LAMC1: variants seen among roughly 807,000 people sequenced by gnomAD.
The protein encoded by LAMC1 is laminin subunit gamma 1.
LAMC1 carries 38 observed loss-of-function variants against 173.6 expected under a neutral mutation model. The observed-to-expected ratio is 0.22, with a 90% CI of 0.17 to 0.29. The LOEUF (loss-of-function observed/expected upper bound fraction) is 0.29, where lower values mean the gene tolerates loss of function less well. Ranked by LOEUF, LAMC1 falls within the 10% of genes least tolerant of loss-of-function variation. The pLI is 1.00. For synonymous variants in LAMC1, 746 were observed against 749.1 expected, an observed-to-expected ratio of 1.00 and a Z score of 0.07; for missense variants, 1,824 against 2,051.8, an observed-to-expected ratio of 0.89 and a Z score of 2.14.
intron 10 of LAMC1, 61 bp downstream of exon 10, chr1:183,117,784 T>C: frequency 6.8e-7 from 1 of 1,472,526 alleles, no homozygotes; most frequent in Non-Finnish European, 9.4e-7. Context: ...GTGTCTTTAT[T>C]TAAGTTTAAC....
Position 183,116,767 on chromosome 1 carries a change from A to C in LAMC1, c.1428A>C (p.Arg476Ser). 1 of 1,613,952 alleles carries C rather than the reference A, an allele frequency of 6.2e-7. No individual in the cohort carries two copies. Among genetic ancestry groups the C allele is most frequent in the Non-Finnish European group, 8.5e-7 (1 of 1,179,934 alleles). ...KDNVEGFNCE[R>S]CKPGFFNLES... ...CTGATTGTGTCTTAATCTTTTTCAG[A>C]TGCAAACCTGGATTTTTTAATCTGG... Residue 476 changes from arginine (R) to serine (S), a missense_variant and splice_region_variant, in exon 8 of 28, where the codon AGA (arginine) becomes AGC (serine). Coordinates refer to ENST00000258341, the MANE Select transcript of LAMC1 (RefSeq NM_002293.4).
chr1:183,057,164 A>C (rs1004561719), intron 1 of LAMC1, among the ~76,000 whole-genome samples: 10 of 152,266 alleles, frequency 6.6e-5, no homozygotes, highest in African/African-American at 2.2e-4. Flanking sequence ...AAAAGGAAAC[A>C]GATTCAGAGA....
intron 1 of LAMC1, among the ~76,000 whole-genome samples, chr1:183,091,202 G>A (rs964328286): frequency 2.0e-5 from 3 of 152,186 alleles, no homozygotes; most frequent in South Asian, 2.1e-4. Context: ...AGAGGTTTTA[G>A]TAGAAATCTT....
At position 183,100,316 on chromosome 1, in the gene LAMC1, C is replaced by G. The variant is rs1224558530; in HGVS notation, c.419-3012C>G. Among the ~76,000 whole-genome samples, 7 of 152,200 alleles carry G rather than the reference C, an allele frequency of 4.6e-5. No homozygotes were observed. In the South Asian group the frequency reaches 1.0e-3, roughly 23 times the overall value. On this transcript the variant is annotated intron_variant, in intron 1 of 27. Transcript: ENST00000258341. ...CTCCACACTGATCTTTCTAAAAAAT[C>G]AAACCTGATCATGTATTTTCTGGTT... is the stretch of plus-strand genomic sequence containing the variant.
At chr1:183,066,330 A>G (rs189110225) in intron 1 of LAMC1, among the ~76,000 whole-genome samples, 1 of 152,328 alleles carries the variant, frequency 6.6e-6, no homozygotes, top group African/African-American at 2.4e-5. Flanking sequence ...GATGTGGGGA[A>G]ATAGGAATGC....
At chr1:183,132,377 T>A in intron 20 of LAMC1, 23 bp from the exon 21 acceptor site, 1 of 1,589,034 alleles carries the variant, frequency 6.3e-7, no homozygotes, top group Non-Finnish European at 8.6e-7. Flanking sequence ...TTTCATGGCT[T>A]ATTTTTTGTT....
chr1:183,028,238 G>C (rs929906816), intron 1 of LAMC1, among the ~76,000 whole-genome samples: 20 of 150,650 alleles, frequency 1.3e-4, no homozygotes, highest in African/African-American at 4.9e-4. Flanking sequence ...AATAATTTTA[G>C]AAAATTGGGT....
At chr1:183,061,796 A>G (rs957706457) in intron 1 of LAMC1, among the ~76,000 whole-genome samples, 2 of 152,266 alleles carry the variant, frequency 1.3e-5, no homozygotes, top group African/African-American at 4.8e-5. Context: ...GAGAATAACT[A>G]ATGAGTGCCT....
Position 183,110,697 on chromosome 1 carries a change from T to C in LAMC1, c.1021+43T>C. On this transcript the variant is annotated intron_variant, in intron 4 of 27. Transcript: ENST00000258341. ...TCAGTCTGTCAGTTGTCTTAAGGAC[T>C]TCCAAGGGTGGAAGAAGGAATGGGT... The C allele has an allele frequency of 1.9e-6, 3 of 1,585,232 alleles. No individual in the cohort carries two copies. The South Asian group carries it at 3.4e-5, about 18-fold the overall frequency.
chr1:183,128,672 G>C lies in LAMC1; in HGVS notation c.3202G>C (p.Asp1068His), dbSNP rs753406886. The C allele has an allele frequency of 5.6e-6, 9 of 1,613,696 alleles. No homozygotes were observed. The highest frequency in any genetic ancestry group is 7.6e-6 in the Non-Finnish European group (9 of 1,179,800). Residue 1068 changes from aspartate (D) to histidine (H), a missense_variant, in exon 18 of 28, where the codon GAT becomes CAT. By Grantham distance (81) the Asp-to-His change is moderately conservative. Coordinates refer to ENST00000258341, the MANE Select transcript of LAMC1 (RefSeq NM_002293.4). ...NLGTGDEMVT[D>H]QAFEDRLKEA... ...TGGAACTGGGGATGAGATGGTGACA[G>C]ATCAAGCCTTCGAGGATAGACTAAA...
At chr1:183,110,794 A>G in intron 4 of LAMC1, 140 bp downstream of exon 4, 1 of 860,842 alleles carries the variant, frequency 1.2e-6, no homozygotes, top group Non-Finnish European at 1.8e-6. Context: ...AGTAGTATTC[A>G]AGTCAGAGGA....
At chr1:183,103,728 G>A (rs754746792) in intron 2 of LAMC1, 96 bp downstream of exon 2, 64 of 1,079,224 alleles carry the variant, frequency 5.9e-5, no homozygotes, top group Non-Finnish European at 8.5e-5. Context: ...CACTTCTGAG[G>A]TACGGGGTCA....
chr1:183,093,108 C>T (rs1209817327), intron 1 of LAMC1, among the ~76,000 whole-genome samples: 1 of 152,150 alleles, frequency 6.6e-6, no homozygotes, highest in Non-Finnish European at 1.5e-5. Context: ...AGTACCATTG[C>T]ACTCCATCCT....
chr1:183,122,366 G>T, intron 13 of LAMC1, 115 bp downstream of exon 13: 1 of 974,132 alleles, frequency 1.0e-6, no homozygotes, highest in African/African-American at 1.6e-5. Context: ...AGTGGTTATG[G>T]TTTTCCTAAT....
intron 24 of LAMC1, 33 bp from the exon 25 acceptor site, chr1:183,136,352 GT>G: frequency 6.3e-7 from 1 of 1,595,748 alleles, no homozygotes; most frequent in Non-Finnish European, 8.6e-7. Flanking sequence ...CTTGTTGGGA[GT>G]TTAGCTCAAA....
intron 1 of LAMC1, among the ~76,000 whole-genome samples, chr1:183,081,481 C>T (rs912718870): frequency 6.6e-6 from 1 of 151,344 alleles, no homozygotes; most frequent in Non-Finnish European, 1.5e-5. Context: ...ACCTATGGTC[C>T]CAGCTACAGT....
chr1:183,084,362 C>T (rs1321681510), intron 1 of LAMC1, among the ~76,000 whole-genome samples: 2 of 150,606 alleles, frequency 1.3e-5, no homozygotes, highest in Non-Finnish European at 3.0e-5. Context: ...AAAAAAAAAG[C>T]ATATTATTTA....
intron 1 of LAMC1, among the ~76,000 whole-genome samples, chr1:183,098,191 C>G (rs1023655855): frequency 3.3e-5 from 5 of 152,164 alleles, no homozygotes; most frequent in African/African-American, 1.2e-4. Context: ...CTTACTTTGT[C>G]AATTGTGAAA....
At chr1:183,097,665 G>T (rs1449725374) in intron 1 of LAMC1, among the ~76,000 whole-genome samples, 1 of 152,186 alleles carries the variant, frequency 6.6e-6, no homozygotes, top group Non-Finnish European at 1.5e-5. Flanking sequence ...ACTTTACCAT[G>T]TAGGAGGCTT....
Sources: gnomAD v4.1 joint callset for allele counts (sites outside exome capture counted in the v4.1 genomes callset) on GRCh38, gnomAD v4.1.1 for gene constraint, MANE v1.5 for transcripts, NCBI Gene and HGNC (gene_info 2026-07-23, HGNC 2026-07-21) for gene names.